Variants in DMXL1 observed in about 807,000 individuals in gnomAD.
The protein encoded by DMXL1 is Dmx like 1.
Under a neutral mutation model 319.2 loss-of-function variants are expected in DMXL1, and 99 were observed. The ratio of observed to expected loss-of-function variants is 0.31; its 90% CI spans 0.26 to 0.37. The LOEUF is 0.37. Among genes scored for constraint, DMXL1 ranks in the 10% least tolerant of loss-of-function variants. DMXL1 has a pLI of 1.00. For missense variants in DMXL1, 3,745 were observed against 3,595.6 expected (o/e 1.04, Z -1.06); for synonymous variants, 1,385 against 1,235.2 (o/e 1.12, Z -2.54).
chr5:119,216,094 CAAAAAAAAAAAAAAAAA>C (rs773591355), intron 34 of DMXL1, among the ~76,000 whole-genome samples: 5 of 37,352 alleles, frequency 1.3e-4, no homozygotes, highest in Admixed American at 5.2e-4. Flanking sequence ...GCATCCATCT[CAAAAAAAAAAAAAAAAA>C]AAAAAAAAAA....
chr5:119,093,928 G>A (rs774366032), intron 1 of DMXL1, among the ~76,000 whole-genome samples: 4 of 152,186 alleles, frequency 2.6e-5, no homozygotes, highest in Non-Finnish European at 4.4e-5. Flanking sequence ...GTGAAGGCTG[G>A]GAGAGGTGAG....
At chr5:119,228,441 T>A (rs1190594290) in intron 38 of DMXL1, among the ~76,000 whole-genome samples, 4 of 152,160 alleles carry the variant, frequency 2.6e-5, no homozygotes, top group African/African-American at 9.7e-5. Context: ...TTTAACAAAA[T>A]AACTGAAAGT....
Position 119,152,017 on chromosome 5 carries a change from A to C in DMXL1, c.4683A>C (p.Arg1561=). Residue 1561 remains arginine, a synonymous_variant, in exon 19 of 44, where the codon CGA becomes CGC. Coordinates refer to ENST00000539542, the MANE Select transcript of DMXL1 (RefSeq NM_001290321.3). ...TTACAACTTCCCTTCCAGCCTATCG[A>C]GCTCAACTCCTTCACCAAGGTGATT... is the stretch of plus-strand genomic sequence containing the variant. ...TFLTTSLPAY[R]AQLLHQGLST... is the part of the protein sequence containing the mutation. 1.2e-6 allele frequency: 2 copies of C among 1,611,612 alleles called. No homozygotes were observed. The highest frequency in any genetic ancestry group is 1.7e-6 in the Non-Finnish European group (2 of 1,178,486).
At chr5:119,133,438 T>C in intron 11 of DMXL1, 53 bp downstream of exon 11, 1 of 1,581,074 alleles carries the variant, frequency 6.3e-7, no homozygotes, top group South Asian at 1.2e-5. Flanking sequence ...GGTACTATTT[T>C]CTAATACCTC....
intron 28 of DMXL1, among the ~76,000 whole-genome samples, chr5:119,188,570 G>A (rs1458520807): frequency 6.6e-6 from 1 of 152,184 alleles, no homozygotes; most frequent in East Asian, 1.9e-4. Context: ...GTGTGTTAAT[G>A]TATGCAGCAG....
intron 15 of DMXL1, 61 bp from the exon 16 acceptor site, chr5:119,146,776 T>G (rs1169420715): frequency 1.4e-6 from 2 of 1,466,990 alleles, no homozygotes; most frequent in Non-Finnish European, 1.8e-6. Flanking sequence ...TAACTTGGCA[T>G]GTTTAGCAAG....
intron 37 of DMXL1, 90 bp downstream of exon 37, chr5:119,221,171 C>G: frequency 1.0e-6 from 1 of 972,554 alleles, no homozygotes; most frequent in South Asian, 2.6e-5. Context: ...AAACATTTTT[C>G]TTAATTCCTA....
At chr5:119,240,384 T>C (rs773072711) in intron 41 of DMXL1, 35 bp from the exon 42 acceptor site, 1 of 1,482,494 alleles carries the variant, frequency 6.7e-7, no homozygotes, top group Admixed American at 1.9e-5. Flanking sequence ...TTAGCTTTTG[T>C]GTCACTCAGA....
At chr5:119,213,555 G>A (rs1783164589) in intron 34 of DMXL1, among the ~76,000 whole-genome samples, 1 of 152,106 alleles carries the variant, frequency 6.6e-6, no homozygotes, top group Non-Finnish European at 1.5e-5. Flanking sequence ...AGTCTCCTAT[G>A]TAGCAAAATT....
In DMXL1 at chr5:119,216,094, CAAAAAA is replaced by C. The variant is rs773591355; in HGVS notation, c.7927-784_7927-779del. On this transcript the variant is annotated intron_variant, in intron 34 of 43. Transcript: ENST00000539542. ...GCCTGGGCGACAAGAGCATCCATCT[CAAAAAA>C]AAAAAAAAAAAAAAAAAAAAAAGCA... Among the ~76,000 whole-genome samples, 28 of 37,362 alleles carry C rather than the reference CAAAAAA, an allele frequency of 7.5e-4. No individual in the cohort carries two copies. The South Asian group carries it at 0.01, about 14-fold the overall frequency. 24.5% of individuals were successfully genotyped at this position (37,362 alleles called of 152,430 possible).
intron 6 of DMXL1, among the ~76,000 whole-genome samples, chr5:119,115,511 T>C (rs776748597): frequency 7.2e-5 from 11 of 152,218 alleles, no homozygotes; most frequent in Non-Finnish European, 1.5e-4. Context: ...GAGTGTAAGT[T>C]ACTCTAAAAC....
chr5:119,139,794 A>G (rs186845009), intron 13 of DMXL1, among the ~76,000 whole-genome samples: 1 of 152,072 alleles, frequency 6.6e-6, no homozygotes, highest in Non-Finnish European at 1.5e-5. Context: ...CTGCTGCAGA[A>G]CTCTCCACCC....
intron 32 of DMXL1, among the ~76,000 whole-genome samples, chr5:119,202,875 A>ATT (rs1561865225): frequency 8.9e-6 from 1 of 111,898 alleles, no homozygotes; most frequent in Non-Finnish European, 1.9e-5. Context: ...ATATATATAT[A>ATT]TATATATTTT....
chr5:119,150,288 G>C lies in DMXL1; in HGVS notation c.4461G>C (p.Gln1487His), dbSNP rs757226748. ...CTTACTTTGGACCTGAGCATGCTCA[G>C]GTTCTTTCTGGCCACTTACTTCATT... ...SPTYFGPEHA[Q>H]VLSGHLLHSS... Residue 1487 changes from glutamine (Q) to histidine (H), a missense_variant, in exon 18 of 44, where the codon CAG (glutamine) becomes CAC (histidine). Physicochemically the swap from Gln to His is conservative, Grantham distance 24. Around this residue, in one of 4 missense-constraint regions of DMXL1, gnomAD observed 2,096 missense variants for 1,985.4 expected, o/e 1.06. Transcript: ENST00000539542. 3 of 1,613,762 alleles carry C rather than the reference G, an allele frequency of 1.9e-6. No individual in the cohort carries two copies. The highest frequency in any genetic ancestry group is 1.3e-5 in the African/African-American group (1 of 74,948).
At chr5:119,093,445 A>C (rs563338808) in intron 1 of DMXL1, among the ~76,000 whole-genome samples, 5 of 152,068 alleles carry the variant, frequency 3.3e-5, no homozygotes, top group African/African-American at 1.2e-4. Context: ...CCCTTTTAAA[A>C]TTATTATTAT....
intron 10 of DMXL1, among the ~76,000 whole-genome samples, chr5:119,132,331 G>T (rs770411804): frequency 3.9e-5 from 6 of 152,166 alleles, no homozygotes; most frequent in African/African-American, 7.2e-5. Flanking sequence ...TTGCTGGATT[G>T]ATTTTGTGTT....
At chr5:119,229,435 AATAAC>A (rs909239274) in intron 38 of DMXL1, among the ~76,000 whole-genome samples, 12 of 152,262 alleles carry the variant, frequency 7.9e-5, no homozygotes, top group African/African-American at 2.6e-4. Context: ...TCATTCTTTT[AATAAC>A]ATATATAAAT....
chr5:119,195,282 G>C (rs1779416240), intron 30 of DMXL1, among the ~76,000 whole-genome samples: 1 of 152,086 alleles, frequency 6.6e-6, no homozygotes. Context: ...GACTGAAACA[G>C]GTATTTGTAC....
intron 40 of DMXL1, 136 bp downstream of exon 40, chr5:119,237,550 A>G: frequency 1.8e-6 from 1 of 564,052 alleles, no homozygotes; most frequent in Admixed American, 2.8e-5. Context: ...TTGCTGTAAG[A>G]TTCTGTCCTT....
Sources: allele counts gnomAD v4.1 joint callset (sites outside exome capture counted in the v4.1 genomes callset), GRCh38; gene constraint gnomAD v4.1.1; regional missense constraint gnomAD v4.1.1; transcripts MANE v1.5; gene names NCBI Gene and HGNC (gene_info 2026-07-23, HGNC 2026-07-21).